The following ZNF407 variants were observed in gnomAD, a reference collection of about 807,000 sequenced individuals.
ZNF407 encodes the protein zinc finger protein 407.
In ZNF407, 17 loss-of-function variants were observed where a neutral mutation model predicts 131.2. The observed-to-expected ratio is 0.13, with a 90% CI of 0.09 to 0.19. The LOEUF is 0.19. Among genes scored for constraint, ZNF407 ranks in the 10% least tolerant of loss-of-function variants. The pLI is 1.00. For synonymous variants in ZNF407, 1,156 were observed against 1,062.0 expected (o/e 1.09, Z -1.72); for missense variants, 2,681 against 2,830.6 (o/e 0.95, Z 1.20).
At chr18:74,848,321 G>T (rs1284731391) in intron 4 of ZNF407, among the ~76,000 whole-genome samples, 1 of 152,118 alleles carries the variant, frequency 6.6e-6, no homozygotes, top group Admixed American at 6.5e-5. Flanking sequence ...TCATTTTTGG[G>T]TGATACTTGA....
chr18:74,895,906 G>A (rs988914621), intron 7 of ZNF407, among the ~76,000 whole-genome samples: 1 of 152,092 alleles, frequency 6.6e-6, no homozygotes, highest in Non-Finnish European at 1.5e-5. Context: ...TTTTCCTTTT[G>A]CTTCCTGTGC....
At chr18:74,678,252 C>T (rs1966898580) in intron 3 of ZNF407, among the ~76,000 whole-genome samples, 1 of 152,208 alleles carries the variant, frequency 6.6e-6, no homozygotes, top group South Asian at 2.1e-4. Flanking sequence ...AGTTTAGGAT[C>T]ATCTCAACTG....
chr18:74,629,526 C>T (rs35695096), intron 1 of ZNF407, among the ~76,000 whole-genome samples: 22,996 of 152,076 alleles, frequency 0.15, 1,767 homozygotes, highest in Middle Eastern at 0.18. Flanking sequence ...GCTTTTGAAG[C>T]ATAGTGTCTT....
At chr18:74,895,803 C>G (rs1345464561) in intron 7 of ZNF407, among the ~76,000 whole-genome samples, 1 of 152,102 alleles carries the variant, frequency 6.6e-6, no homozygotes, top group Non-Finnish European at 1.5e-5. Flanking sequence ...TTGTTCTGTT[C>G]TGCCACTTGT....
At chr18:74,696,453 A>G (rs1274204496) in intron 3 of ZNF407, among the ~76,000 whole-genome samples, 1 of 152,186 alleles carries the variant, frequency 6.6e-6, no homozygotes, top group Non-Finnish European at 1.5e-5. Context: ...AGTGTTGAAA[A>G]TATTACTTAG....
intron 1 of ZNF407, among the ~76,000 whole-genome samples, chr18:74,600,513 C>G (rs4892250): frequency 1.3e-5 from 2 of 151,864 alleles, no homozygotes; most frequent in African/African-American, 4.8e-5. Flanking sequence ...CTTTATCCCT[C>G]GCAAAGACCC....
intron 3 of ZNF407, among the ~76,000 whole-genome samples, chr18:74,736,438 A>T (rs1163771306): frequency 6.6e-6 from 1 of 152,160 alleles, no homozygotes; most frequent in African/African-American, 2.4e-5. Context: ...ATTGGAGCTT[A>T]AATTTTAGGT....
chr18:74,623,113 C>T (rs910675626), intron 1 of ZNF407, among the ~76,000 whole-genome samples: 2 of 144,554 alleles, frequency 1.4e-5, no homozygotes, highest in African/African-American at 5.2e-5. Flanking sequence ...TATCTGAGTG[C>T]GTGTCAGTGT....
At chr18:74,931,904 A>G (rs1020858789) in intron 8 of ZNF407, among the ~76,000 whole-genome samples, 2 of 151,992 alleles carry the variant, frequency 1.3e-5, no homozygotes, top group Non-Finnish European at 2.9e-5. Flanking sequence ...GATTTTTGAG[A>G]TCATTTTTAT....
intron 3 of ZNF407, among the ~76,000 whole-genome samples, chr18:74,767,820 A>ATTTTTT (rs10692267): frequency 1.8e-5 from 2 of 114,086 alleles, no homozygotes. Flanking sequence ...CGCCTGGCTA[A>ATTTTTT]TTTTTTTTTT....
chr18:75,043,830 G>A (rs536408320), intron 8 of ZNF407, among the ~76,000 whole-genome samples: 64 of 152,246 alleles, frequency 4.2e-4, no homozygotes, highest in African/African-American at 1.5e-3. Flanking sequence ...CAACACCATG[G>A]TCCAACTGAG....
chr18:75,055,178 T>C (rs1298891813), intron 8 of ZNF407, among the ~76,000 whole-genome samples: 1 of 152,252 alleles, frequency 6.6e-6, no homozygotes. Context: ...CACTTTCTGC[T>C]GGCACATCAA....
intron 1 of ZNF407, among the ~76,000 whole-genome samples, chr18:74,623,925 A>G (rs1162765602): frequency 6.6e-6 from 1 of 152,128 alleles, no homozygotes; most frequent in Non-Finnish European, 1.5e-5. Context: ...GATGTGTGGA[A>G]AGGGAATTGA....
intron 3 of ZNF407, among the ~76,000 whole-genome samples, chr18:74,676,340 C>T (rs910742597): frequency 7.2e-5 from 11 of 152,114 alleles, no homozygotes; most frequent in African/African-American, 2.7e-4. Context: ...AATCCGCCTG[C>T]CTTCTCCTTC....
At chr18:75,036,848 T>A (rs1346587899) in intron 8 of ZNF407, among the ~76,000 whole-genome samples, 7 of 152,238 alleles carry the variant, frequency 4.6e-5, no homozygotes, top group Non-Finnish European at 8.8e-5. Flanking sequence ...ATATTTTATT[T>A]ATCCCTCAGA....
intron 7 of ZNF407, among the ~76,000 whole-genome samples, chr18:74,908,864 T>C (rs1227917337): frequency 6.6e-6 from 1 of 152,078 alleles, no homozygotes; most frequent in Non-Finnish European, 1.5e-5. Flanking sequence ...ACTTTGAACA[T>C]TTTTTGTCTT....
intron 7 of ZNF407, among the ~76,000 whole-genome samples, chr18:74,912,412 G>A (rs1486032143): frequency 2.0e-5 from 3 of 152,094 alleles, no homozygotes; most frequent in African/African-American, 7.2e-5. Context: ...AGGCAGAAAC[G>A]TCCTGCTACC....
At chr18:74,761,781 C>T (rs1969101228) in intron 3 of ZNF407, among the ~76,000 whole-genome samples, 3 of 152,132 alleles carry the variant, frequency 2.0e-5, no homozygotes, top group African/African-American at 7.2e-5. Flanking sequence ...TTAAACCACA[C>T]ATTTTTGGTA....
chr18:74,987,426 C>T (rs955936496), intron 8 of ZNF407, among the ~76,000 whole-genome samples: 1 of 152,120 alleles, frequency 6.6e-6, no homozygotes, highest in African/African-American at 2.4e-5. Flanking sequence ...GGTGAGCTCA[C>T]GTGTGGTGTC....
Sources: allele counts gnomAD v4.1 joint callset (sites outside exome capture counted in the v4.1 genomes callset), GRCh38; gene constraint gnomAD v4.1.1; transcripts MANE v1.5; gene names NCBI Gene and HGNC (gene_info 2026-07-23, HGNC 2026-07-21).